Variants in WDHD1 observed in about 807,000 individuals in gnomAD.
WDHD1 encodes WD repeat and HMG-box DNA binding protein 1, also known as WD repeat and HMG-box DNA-binding protein 1.
A neutral mutation model predicts 135.4 loss-of-function variants in WDHD1; 111 were observed. The observed-to-expected ratio is 0.82, with a 90% confidence interval of 0.70 to 0.96. WDHD1 has a LOEUF of 0.96. Among genes scored for constraint, WDHD1 ranks in the 40% least tolerant of loss-of-function variants. The pLI is 0.00. For synonymous variants in WDHD1, 434 were observed against 439.0 expected (o/e 0.99, Z 0.14); for missense variants, 1,351 against 1,336.3 (o/e 1.01, Z -0.17).
intron 14 of WDHD1, 75 bp downstream of exon 14, chr14:54,987,071 G>C (rs2041705463): frequency 1.3e-6 from 2 of 1,546,566 alleles, no homozygotes; most frequent in Non-Finnish European, 1.8e-6. Context: ...AAGACAAAAA[G>C]AGTAACAAAA....
rs115758310 is a variant in WDHD1 at position 54,959,684 on chromosome 14, C to G, written c.2702-2049G>C. On this transcript the variant is annotated intron_variant, in intron 21 of 25. Coordinates refer to ENST00000360586, the MANE Select transcript of WDHD1 (RefSeq NM_007086.4). ...TCAGTAGGGTGAGGCAGGAGGATCA[C>G]CTGAGCATACGAGTTCAAGGCTGTA... is the stretch of plus-strand genomic sequence containing the variant. 1.8e-3 allele frequency among the ~76,000 whole-genome samples: 271 copies of G among 152,166 alleles called. 1 individual carries two copies. Among genetic ancestry groups the G allele is most frequent in the African/African-American group, 6.3e-3 (262 of 41,512 alleles).
In WDHD1 at chr14:55,000,619, T is replaced by G. The variant is rs115947628; in HGVS notation, c.826A>C (p.Ile276Leu). The change falls in exon 10 of 26, where the codon ATT becomes CTT. Residue 276 changes from isoleucine to leucine, a missense_variant. By Grantham distance (5) the Ile-to-Leu change is conservative. Coordinates refer to ENST00000360586, the MANE Select transcript of WDHD1 (RefSeq NM_007086.4). Reference protein sequence around the residue: ...ERVKHEKGYAICGLAWHPTCG... With the variant: ...ERVKHEKGYALCGLAWHPTCG... ...GTAGGATGCCATGCCAGACCACAAA[T>G]TGCATAACCTTTCTCATGTTTCACC... 2.6e-5 allele frequency: 42 copies of G among 1,587,056 alleles called. No homozygotes were observed. The highest frequency in any genetic ancestry group is 2.8e-5 in the Non-Finnish European group (33 of 1,166,642).
intron 16 of WDHD1, among the ~76,000 whole-genome samples, chr14:54,967,937 TA>T (rs2041372308): frequency 6.6e-6 from 1 of 152,184 alleles, no homozygotes; most frequent in Non-Finnish European, 1.5e-5. Context: ...CTCACTTTAT[TA>T]AATGACAACC....
At position 54,980,802 on chromosome 14, in the gene WDHD1, TA is replaced by T. The variant is rs375441329; in HGVS notation, c.2063+737del. On this transcript the variant is annotated intron_variant, in intron 16 of 25. Coordinates refer to ENST00000360586, the MANE Select transcript of WDHD1 (RefSeq NM_007086.4). ...CTGGGTGACAGAGTGAGACTCCACA[TA>T]AAAAAAAAAAAAAAAAAAAAAACTC... is the stretch of plus-strand genomic sequence containing the variant. 8.8e-3 allele frequency among the ~76,000 whole-genome samples: 737 copies of T among 83,596 alleles called. 3 individuals are homozygous for T. The highest frequency in any genetic ancestry group is 0.013 in the Non-Finnish European group (570 of 43,850). 54.8% of individuals were successfully genotyped at this position (83,596 alleles called of 152,430 possible). A position where few individuals can be genotyped will look rare whatever the true frequency, so the allele number is the denominator to read the frequency against.
chr14:54,951,355 G>T (rs977764294), intron 24 of WDHD1, among the ~76,000 whole-genome samples: 55 of 152,206 alleles, frequency 3.6e-4, no homozygotes, highest in African/African-American at 1.3e-3. Context: ...TACCATCAAA[G>T]AATACTATAA....
At chr14:55,021,407 C>CTT (rs775469379) in intron 2 of WDHD1, among the ~76,000 whole-genome samples, 3 of 142,966 alleles carry the variant, frequency 2.1e-5, no homozygotes, top group Admixed American at 7.0e-5. Context: ...ATTAGCGTTC[C>CTT]TTTTTTTTTT....
chr14:55,010,180 A>G lies in WDHD1; in HGVS notation c.341+129T>C, dbSNP rs1161900727. ...TTGTCCTCAAAAACCTTTACTAGAT[A>G]AAAGAATATATGAAGAAACAACAAA... On this transcript the variant is annotated intron_variant, in intron 4 of 25. Coordinates refer to ENST00000360586, the MANE Select transcript of WDHD1 (RefSeq NM_007086.4). 17 of 1,030,310 alleles carry G rather than the reference A, an allele frequency of 1.6e-5. 1 individual carries two copies. The highest frequency in any genetic ancestry group is 1.7e-5 in the Non-Finnish European group (13 of 752,308). The allele number at this position is 1,030,310 out of a possible 1,614,324, so 63.8% of individuals were successfully genotyped here.
At chr14:54,964,709 C>T (rs891325530) in intron 18 of WDHD1, among the ~76,000 whole-genome samples, 1 of 152,040 alleles carries the variant, frequency 6.6e-6, no homozygotes, top group African/African-American at 2.4e-5. Flanking sequence ...AAGGCATTTG[C>T]CCGGGGGTCA....
chr14:54,965,717 AG>A (rs1284364714), intron 18 of WDHD1, among the ~76,000 whole-genome samples: 4 of 152,090 alleles, frequency 2.6e-5, no homozygotes, highest in Non-Finnish European at 4.4e-5. Flanking sequence ...GCACTTTCGG[AG>A]GCCGAGGCAG....
In WDHD1 at chr14:54,990,794, T is replaced by C. The variant is rs550797490; in HGVS notation, c.1341+419A>G. Reference sequence around the variant, plus strand: ...GGTGGAGTGAGGAAAAGGGTCAGACTTTTCCCCCCATAGTACTTGCCACCT... The same window carrying C: ...GGTGGAGTGAGGAAAAGGGTCAGACCTTTCCCCCCATAGTACTTGCCACCT... On this transcript the variant is annotated intron_variant, in intron 12 of 25. Coordinates refer to ENST00000360586, the MANE Select transcript of WDHD1 (RefSeq NM_007086.4). Among the ~76,000 whole-genome samples, 315 of 152,270 alleles carry C rather than the reference T, an allele frequency of 2.1e-3. 1 individual carries two copies. The highest frequency in any genetic ancestry group is 3.5e-3 in the Non-Finnish European group (241 of 68,018).
At chr14:55,003,392 T>C (rs968316816) in intron 7 of WDHD1, among the ~76,000 whole-genome samples, 18 of 151,698 alleles carry the variant, frequency 1.2e-4, no homozygotes, top group African/African-American at 4.1e-4. Context: ...GTGCCTCTAG[T>C]CCCAGCTACT....
intron 2 of WDHD1, among the ~76,000 whole-genome samples, chr14:55,015,845 T>C (rs1594592384): frequency 6.6e-6 from 1 of 152,126 alleles, no homozygotes; most frequent in African/African-American, 2.4e-5. Context: ...ACTGCAGGCG[T>C]GCGCCACCAC....
intron 2 of WDHD1, among the ~76,000 whole-genome samples, chr14:55,014,848 CAA>C (rs1394361434): frequency 4.6e-5 from 7 of 151,772 alleles, no homozygotes; most frequent in Admixed American, 2.0e-4. Context: ...ACTGGGAAGT[CAA>C]AGAACAAGCA....
intron 8 of WDHD1, among the ~76,000 whole-genome samples, chr14:55,001,879 T>G (rs1201486576): frequency 6.6e-6 from 1 of 152,226 alleles, no homozygotes; most frequent in South Asian, 2.1e-4. Flanking sequence ...TCTAATACTA[T>G]GCAAGGGTTA....
chr14:55,017,492 A>G (rs10148100), intron 2 of WDHD1, among the ~76,000 whole-genome samples: 67,975 of 151,730 alleles, frequency 0.45, 16,959 homozygotes, highest in African/African-American at 0.68. Flanking sequence ...ACAGGCACGC[A>G]CCACCCACAC....
intron 2 of WDHD1, among the ~76,000 whole-genome samples, chr14:55,017,827 A>G (rs1261032024): frequency 6.6e-6 from 1 of 151,852 alleles, no homozygotes; most frequent in African/African-American, 2.4e-5. Flanking sequence ...AGAATTTTTG[A>G]AAAAAACATG....
intron 16 of WDHD1, among the ~76,000 whole-genome samples, chr14:54,974,533 A>G (rs565992671): frequency 1.3e-5 from 2 of 151,498 alleles, no homozygotes; most frequent in East Asian, 3.9e-4. Context: ...GAGTTTAAAA[A>G]TGCCAAAATA....
At position 55,008,824 on chromosome 14, in the gene WDHD1, G is replaced by A. The variant is rs541565674; in HGVS notation, c.342-105C>T. On this transcript the variant is annotated intron_variant, in intron 4 of 25. Transcript: ENST00000360586. ...TTTTTTTTTTTTTTCTTTTTGAGAC[G>A]GAGTCTCACTCTGTCACCCAGGCTG... The A allele has an allele frequency of 2.3e-4, 191 of 833,522 alleles. 1 individual carries two copies. The highest frequency in any genetic ancestry group is 2.2e-3 in the African/African-American group (124 of 56,712). The allele number at this position is 833,522 out of a possible 1,614,324, so 51.6% of individuals were successfully genotyped here.
intron 12 of WDHD1, among the ~76,000 whole-genome samples, chr14:54,989,807 A>AT (rs770485970): frequency 1.3e-5 from 2 of 152,030 alleles, no homozygotes; most frequent in African/African-American, 2.4e-5. Flanking sequence ...TTACAGGTGC[A>AT]TGCCACCAGG....
Sources: gnomAD v4.1 joint callset for allele counts (sites outside exome capture counted in the v4.1 genomes callset) on GRCh38, gnomAD v4.1.1 for gene constraint, MANE v1.5 for transcripts, NCBI Gene and HGNC (gene_info 2026-07-23, HGNC 2026-07-21) for gene names.